The following AMPD1 variants were observed in gnomAD, a reference collection of about 807,000 sequenced individuals.
AMPD1 encodes AMP deaminase 1.
A neutral mutation model predicts 82.9 loss-of-function variants in AMPD1; 74 were observed. The ratio of observed to expected loss-of-function variants is 0.89; its 90% CI spans 0.74 to 1.08. The LOEUF (loss-of-function observed/expected upper bound fraction) is 1.08, where lower values mean the gene tolerates loss of function less well. Among genes scored for constraint, AMPD1 ranks in the 50% least tolerant of loss-of-function variants. The pLI is 0.00. For synonymous variants in AMPD1, 333 were observed against 320.5 expected (o/e 1.04, Z -0.42); for missense variants, 881 against 924.5 (o/e 0.95, Z 0.61).
intron 2 of AMPD1, 49 bp from the exon 3 acceptor site, chr1:114,688,790 A>G: frequency 6.2e-7 from 1 of 1,605,292 alleles, no homozygotes; most frequent in Non-Finnish European, 8.5e-7. Context: ...TTCAAAAGTC[A>G]GCTGAGAGTT....
chr1:114,677,846 C>A, intron 9 of AMPD1, 64 bp downstream of exon 9: 3 of 1,350,820 alleles, frequency 2.2e-6, no homozygotes, highest in East Asian at 3.6e-5. Context: ...TCCTTCCTTC[C>A]TTCCTTCTTC....
At position 114,691,139 on chromosome 1, in the gene AMPD1, C is replaced by T. The variant is rs116289331; in HGVS notation, c.34+2297G>A. 6.1e-3 allele frequency among the ~76,000 whole-genome samples: 927 copies of T among 152,328 alleles called. 15 individuals are homozygous for T. Among genetic ancestry groups the T allele is most frequent in the African/African-American group, 0.021 (868 of 41,570 alleles). ...AACTCTACTCTTAAGAAGCAGCTTA[C>T]ATGATGACCAGAAATTATATGGTTG... On this transcript the variant is annotated intron_variant, in intron 2 of 15. Coordinates refer to ENST00000520113, the MANE Select transcript of AMPD1 (RefSeq NM_000036.3).
intron 15 of AMPD1, 56 bp from the exon 16 acceptor site, chr1:114,673,328 CA>C: frequency 6.3e-7 from 1 of 1,584,110 alleles, no homozygotes. Context: ...CTGGTATAGA[CA>C]ATAATTGCAT....
At chr1:114,676,163 G>A (rs954119227) in intron 10 of AMPD1, 160 bp from the exon 11 acceptor site, 1 of 874,690 alleles carries the variant, frequency 1.1e-6, no homozygotes, top group Non-Finnish European at 1.8e-6. Flanking sequence ...GTCCCCTATA[G>A]AGAGGGATTC....
At chr1:114,695,401 A>C in intron 1 of AMPD1, 49 bp downstream of exon 1, 2 of 1,607,244 alleles carry the variant, frequency 1.2e-6, no homozygotes, top group Non-Finnish European at 1.7e-6. Context: ...TTGTCAAAAA[A>C]AAAAAAAAAC....
intron 3 of AMPD1, 99 bp from the exon 4 acceptor site, chr1:114,687,009 A>G (rs1317280394): frequency 7.5e-7 from 1 of 1,335,146 alleles, no homozygotes; most frequent in Non-Finnish European, 1.1e-6. Context: ...TCTGAGGACA[A>G]AAAGTAAAAA....
At position 114,677,960 on chromosome 1, in the gene AMPD1, A is replaced by G. The variant is rs369767517; in HGVS notation, c.1174T>C (p.Leu392=). The G allele has an allele frequency of 1.2e-4, 201 of 1,613,858 alleles. No individual in the cohort carries two copies. The highest frequency in any genetic ancestry group is 1.6e-4 in the Non-Finnish European group (186 of 1,180,008). Reference sequence around the variant, plus strand: ...CCATTAATGTAATTGTCTGTCTTCAAGTAGAGGTCCCGTAGCTCACTTGCT... The same window carrying G: ...CCATTAATGTAATTGTCTGTCTTCAGGTAGAGGTCCCGTAGCTCACTTGCT... The part of the protein sequence containing the change: ...VGASELRDLY[L]KTDNYINGEY... Residue 392 remains leucine, a synonymous_variant, in exon 9 of 16, where the codon TTG becomes CTG. Coordinates refer to ENST00000520113, the MANE Select transcript of AMPD1 (RefSeq NM_000036.3).
chr1:114,680,117 G>A, intron 6 of AMPD1, 142 bp downstream of exon 6: 1 of 807,720 alleles, frequency 1.2e-6, no homozygotes, highest in Non-Finnish European at 2.1e-6. Context: ...AAGGAACAAT[G>A]TGCATGAAGG....
intron 3 of AMPD1, among the ~76,000 whole-genome samples, chr1:114,687,781 A>T (rs1658363772): frequency 6.6e-6 from 1 of 152,144 alleles, no homozygotes; most frequent in Non-Finnish European, 1.5e-5. Context: ...ATGAGGGCAG[A>T]ATTGGAGAGC....
intron 12 of AMPD1, among the ~76,000 whole-genome samples, chr1:114,675,266 A>G (rs900092464): frequency 2.0e-5 from 3 of 152,228 alleles, no homozygotes; most frequent in Non-Finnish European, 4.4e-5. Context: ...ATGAAGTTTT[A>G]TCATTAATTG....
At chr1:114,677,628 C>T in intron 9 of AMPD1, 114 bp from the exon 10 acceptor site, 2 of 1,425,890 alleles carry the variant, frequency 1.4e-6, no homozygotes, top group South Asian at 1.2e-5. Flanking sequence ...AAGGCTAGGT[C>T]CTTAATCAAT....
Position 114,680,310 on chromosome 1 carries a change from G to C in AMPD1, c.716C>G (p.Thr239Ser), listed in dbSNP as rs369064189. Residue 239 changes from threonine (T) to serine (S), a missense_variant, in exon 6 of 16, where the codon ACC (threonine) becomes AGC (serine). Physicochemically the swap from Thr to Ser is moderately conservative, Grantham distance 58. Around this residue, in one of 2 missense-constraint regions of AMPD1, gnomAD observed 783 missense variants for 786.4 expected, o/e 1.00. Coordinates refer to ENST00000520113, the MANE Select transcript of AMPD1 (RefSeq NM_000036.3). Reference sequence around the variant, plus strand: ...TAAAAAATTCATATCGTCTAAGAAGGTGTCCAGATTTGGGTAAGGAAGTGG... The same window carrying C: ...TAAAAAATTCATATCGTCTAAGAAGCTGTCCAGATTTGGGTAAGGAAGTGG... ...PKPLPYPNLD[T>S]FLDDMNFLLA... is the part of the protein sequence containing the mutation. The C allele has an allele frequency of 1.2e-6, 2 of 1,614,146 alleles. No individual in the cohort carries two copies. The highest frequency in any genetic ancestry group is 1.7e-6 in the Non-Finnish European group (2 of 1,180,026).
intron 5 of AMPD1, among the ~76,000 whole-genome samples, chr1:114,681,570 G>T (rs1368936117): frequency 1.3e-5 from 2 of 149,566 alleles, no homozygotes; most frequent in Non-Finnish European, 3.0e-5. Flanking sequence ...CTCCAGCCTG[G>T]GTGACAGAGT....
chr1:114,692,448 G>A (rs1658541925), intron 2 of AMPD1, among the ~76,000 whole-genome samples: 1 of 152,158 alleles, frequency 6.6e-6, no homozygotes, highest in South Asian at 2.1e-4. Flanking sequence ...CACTTTGGGA[G>A]GCTGAGGTGG....
chr1:114,683,230 T>A, intron 5 of AMPD1: 1 of 378,464 alleles, frequency 2.6e-6, no homozygotes, highest in Non-Finnish European at 5.2e-6. Context: ...GTATTTGGGC[T>A]GCCTCTTGAA....
At position 114,688,572 on chromosome 1, in the gene AMPD1, T is replaced by A. The variant is rs1557973904; in HGVS notation, c.204A>T (p.Thr68=). The A allele has an allele frequency of 3.1e-6, 5 of 1,614,192 alleles. No homozygotes were observed. Among genetic ancestry groups the A allele is most frequent in the Admixed American group, 3.3e-5 (2 of 60,020 alleles). Residue 68 remains threonine (T), a synonymous_variant, in exon 3 of 16, where the codon ACA becomes ACT. Coordinates refer to ENST00000520113, the MANE Select transcript of AMPD1 (RefSeq NM_000036.3). ...CTTACACCACTTACCTCCTGGCTTC[T>A]GTGGAGGTGGACAGAGTCTCCAGAT... The part of the protein sequence containing the change: ...IFHLETLSTS[T]EARRKKRFQG...
At position 114,683,096 on chromosome 1, in the gene AMPD1, G is replaced by C. The variant is rs1183275485; in HGVS notation, c.547+1103C>G. On this transcript the variant is annotated intron_variant, in intron 5 of 15. Transcript: ENST00000520113. ...GAAATCTGTAAAATTATTAAAATCT[G>C]ATTGTTGAAAAATACGTACTTAACT... 12 of 429,802 alleles carry C rather than the reference G, an allele frequency of 2.8e-5. No individual in the cohort carries two copies. In the Admixed American group the frequency reaches 3.3e-4, roughly 12 times the overall value. 26.6% of individuals were successfully genotyped at this position (429,802 alleles called of 1,614,324 possible).
chr1:114,674,035 G>A lies in AMPD1; in HGVS notation c.1848C>T (p.Ala616=). The stretch of plus-strand genomic sequence containing the variant: ...GGCTATTGTTACTTAGTGGTGACAT[G>A]GCGATGGGAATTTGGGCTAAGAAAA... ...YLFFLAQIPI[A]MSPLSNNSLF... is the part of the protein sequence containing the mutation. The change falls in exon 14 of 16, where the codon GCC becomes GCT. Residue 616 remains alanine (A), a synonymous_variant. Coordinates refer to ENST00000520113, the MANE Select transcript of AMPD1 (RefSeq NM_000036.3). The A allele has an allele frequency of 6.2e-7, 1 of 1,614,020 alleles. No individual in the cohort carries two copies. The highest frequency in any genetic ancestry group is 8.5e-7 in the Non-Finnish European group (1 of 1,179,918).
intron 13 of AMPD1, 95 bp from the exon 14 acceptor site, chr1:114,674,177 T>C: frequency 8.7e-7 from 1 of 1,147,746 alleles, no homozygotes; most frequent in Non-Finnish European, 1.3e-6. Flanking sequence ...AGCTTCAGCT[T>C]TCAACAAAAT....
Sources: gnomAD v4.1 joint callset for allele counts (sites outside exome capture counted in the v4.1 genomes callset) on GRCh38, gnomAD v4.1.1 for gene constraint, gnomAD v4.1.1 regional missense constraint, MANE v1.5 for transcripts, NCBI Gene and HGNC (gene_info 2026-07-23, HGNC 2026-07-21) for gene names.